Variants in CASQ2 observed in about 807,000 individuals in gnomAD.
The protein encoded by CASQ2 is calsequestrin 2.
Under a neutral mutation model 46.5 loss-of-function variants are expected in CASQ2, and 49 were observed. The observed-to-expected ratio is 1.05, with a 90% CI of 0.84 to 1.34. CASQ2 has a LOEUF of 1.34. CASQ2 is among the 40% of genes most tolerant of loss of function. The probability of loss-of-function intolerance (pLI) is 0.00; values close to 1 mark genes in which losing one functional copy is unlikely to be tolerated. For synonymous variants in CASQ2, 174 were observed against 168.5 expected, an observed-to-expected ratio of 1.03 and a Z score of -0.25; for missense variants, 486 against 481.3, an observed-to-expected ratio of 1.01 and a Z score of -0.09.
At chr1:115,723,176 C>A (rs116401144) in intron 7 of CASQ2, among the ~76,000 whole-genome samples, 1 of 152,276 alleles carries the variant, frequency 6.6e-6, no homozygotes, top group African/African-American at 2.4e-5. Flanking sequence ...ATTGATGGGA[C>A]AACTGGCCAA....
chr1:115,766,837 G>A (rs1215349813), intron 1 of CASQ2, among the ~76,000 whole-genome samples: 1 of 151,430 alleles, frequency 6.6e-6, no homozygotes, highest in Non-Finnish European at 1.5e-5. Flanking sequence ...TAGTCTTTGG[G>A]GACAGATATA....
chr1:115,732,928 G>C lies in CASQ2; in HGVS notation c.579C>G (p.Ile193Met), dbSNP rs779225945. Reference protein sequence around the residue: ...EEAAEHFQPYIKFFATFDKGV... With the variant: ...EEAAEHFQPYMKFFATFDKGV... The stretch of plus-strand genomic sequence containing the variant: ...CTTTGTCAAAGGTGGCAAAGAATTT[G>C]ATGTAAGGCTGGAAGTGTTCAGCTG... The change falls in exon 5 of 11, where the codon ATC (isoleucine) becomes ATG (methionine). Residue 193 changes from isoleucine to methionine, a missense_variant. Transcript: ENST00000261448. The C allele has an allele frequency of 3.1e-6, 5 of 1,613,862 alleles. No homozygotes were observed. The South Asian group carries it at 5.5e-5, about 18-fold the overall frequency.
chr1:115,719,966 A>T (rs1315612464), intron 7 of CASQ2, among the ~76,000 whole-genome samples: 2 of 152,212 alleles, frequency 1.3e-5, no homozygotes, highest in South Asian at 2.1e-4. Context: ...TGGCAACAAT[A>T]TCTGCTATTT....
At position 115,762,869 on chromosome 1, in the gene CASQ2, A is replaced by G. The variant is rs151075077; in HGVS notation, c.234+5439T>C. ...GAAGGAGTCGATGATTCCTCATCCC[A>G]GGCTGGGTGCTAGGCAGAAAGGTAA... On this transcript the variant is annotated intron_variant, in intron 1 of 10. Coordinates refer to ENST00000261448, the MANE Select transcript of CASQ2 (RefSeq NM_001232.4). 2.4e-3 allele frequency among the ~76,000 whole-genome samples: 371 copies of G among 152,296 alleles called. 2 individuals are homozygous for G. Among genetic ancestry groups the G allele is most frequent in the African/African-American group, 8.5e-3 (353 of 41,552 alleles).
In CASQ2 at chr1:115,738,259, T is replaced by C. The variant is rs1283548162; in HGVS notation, c.497A>G (p.Lys166Arg). The change falls in exon 4 of 11, where the codon AAA becomes AGA. Residue 166 changes from lysine (K) to arginine (R), a missense_variant. Lys to Arg is a conservative substitution (Grantham distance 26). Transcript: ENST00000261448. ...CTCACTCTTGAAAAAGCCAATGAGT[T>C]TGATGTAGTCTTCAATGCGTTCGAA... is the stretch of plus-strand genomic sequence containing the variant. Reference protein sequence around the residue: ...QAFERIEDYIKLIGFFKSEDS... With the variant: ...QAFERIEDYIRLIGFFKSEDS... The C allele has an allele frequency of 6.2e-7, 1 of 1,613,132 alleles. No individual in the cohort carries two copies. Among genetic ancestry groups the C allele is most frequent in the Non-Finnish European group, 8.5e-7 (1 of 1,179,172 alleles).
chr1:115,740,907 G>C (rs1006061754), intron 2 of CASQ2, 79 bp from the exon 3 acceptor site: 3 of 924,824 alleles, frequency 3.2e-6, no homozygotes, highest in Non-Finnish European at 5.3e-6. Flanking sequence ...GTCTGGCTGA[G>C]GGTTTCTGGG....
At chr1:115,764,410 C>G (rs1020874272) in intron 1 of CASQ2, among the ~76,000 whole-genome samples, 1 of 152,032 alleles carries the variant, frequency 6.6e-6, no homozygotes, top group Non-Finnish European at 1.5e-5. Context: ...GAAAAAAATA[C>G]TGGAAAGAAA....
At position 115,723,305 on chromosome 1, in the gene CASQ2, T is replaced by TATC. The variant is rs1647455098; in HGVS notation, c.783+2202_783+2203insGAT. On this transcript the variant is annotated intron_variant, in intron 7 of 10. Transcript: ENST00000261448. ...TCTATATCTCTCTATATCTATCTAT[T>TATC]TATCTATCTATCTATCTATCTATCT... Among the ~76,000 whole-genome samples the TATC allele has an allele frequency of 1.3e-3, 187 of 148,866 alleles. 1 individual carries two copies. Among genetic ancestry groups the TATC allele is most frequent in the East Asian group, 2.8e-3 (14 of 4,978 alleles).
rs570530159 is a variant in CASQ2, at chr1:115,757,691, T to C, written c.234+10617A>G. Among the ~76,000 whole-genome samples, 3 of 152,268 alleles carry C rather than the reference T, an allele frequency of 2.0e-5. No individual in the cohort carries two copies. In the East Asian group the frequency reaches 5.8e-4, roughly 29 times the overall value. On this transcript the variant is annotated intron_variant, in intron 1 of 10. Coordinates refer to ENST00000261448, the MANE Select transcript of CASQ2 (RefSeq NM_001232.4). ...AGGCTTCTGCCCACGTGCATATATA[T>C]TTTGGGCTAAGAATCCCATGGCTTA...
intron 1 of CASQ2, among the ~76,000 whole-genome samples, chr1:115,764,291 C>G (rs1649060631): frequency 6.6e-6 from 1 of 151,636 alleles, no homozygotes; most frequent in African/African-American, 2.4e-5. Context: ...CTGGTATTAA[C>G]ATTACTGTTT....
At chr1:115,755,200 A>T (rs1008090892) in intron 1 of CASQ2, among the ~76,000 whole-genome samples, 2 of 152,206 alleles carry the variant, frequency 1.3e-5, no homozygotes, top group African/African-American at 4.8e-5. Flanking sequence ...ATATTATTGC[A>T]ATGGAATTTT....
At chr1:115,722,457 A>G (rs1435088389) in intron 7 of CASQ2, among the ~76,000 whole-genome samples, 3 of 152,160 alleles carry the variant, frequency 2.0e-5, no homozygotes, top group Non-Finnish European at 4.4e-5. Context: ...TTTCTGTAGC[A>G]GTGTGGGATA....
At chr1:115,766,165 G>A (rs1649126919) in intron 1 of CASQ2, among the ~76,000 whole-genome samples, 1 of 152,108 alleles carries the variant, frequency 6.6e-6, no homozygotes, top group Non-Finnish European at 1.5e-5. Context: ...CATCAGACCC[G>A]GGTCCAGAGG....
At chr1:115,761,497 G>GAGAAGAAGAAGAAGAAGAAGA (rs1342542608) in intron 1 of CASQ2, among the ~76,000 whole-genome samples, 7 of 18,960 alleles carry the variant, frequency 3.7e-4, no homozygotes, top group African/African-American at 2.0e-3. Context: ...GGAGAAGAAG[G>GAGAAGAAGAAGAAGAAGAAGA]AGAAGAAGAA....
At chr1:115,764,322 T>C (rs921052319) in intron 1 of CASQ2, among the ~76,000 whole-genome samples, 1 of 152,134 alleles carries the variant, frequency 6.6e-6, no homozygotes, top group Non-Finnish European at 1.5e-5. Flanking sequence ...AAATACAATA[T>C]ATGGATGTGA....
At chr1:115,762,345 T>C (rs1377182864) in intron 1 of CASQ2, among the ~76,000 whole-genome samples, 1 of 152,230 alleles carries the variant, frequency 6.6e-6, no homozygotes, top group Non-Finnish European at 1.5e-5. Flanking sequence ...TTAATAGCAA[T>C]GAAAATTTAA....
At chr1:115,733,047 T>C (rs1380389090) in intron 4 of CASQ2, 73 bp from the exon 5 acceptor site, 17 of 1,093,570 alleles carry the variant, frequency 1.6e-5, no homozygotes, top group Non-Finnish European at 2.2e-5. Context: ...TTTTAAATGG[T>C]GTAGAGAGTA....
chr1:115,704,937 C>T (rs913164027), intron 9 of CASQ2, among the ~76,000 whole-genome samples: 1 of 152,198 alleles, frequency 6.6e-6, no homozygotes, highest in African/African-American at 2.4e-5. Flanking sequence ...AGGAGTTTAC[C>T]CTGCTCACTT....
In CASQ2 at chr1:115,705,197, G is replaced by A. The variant is rs1206001542; in HGVS notation, c.934C>T (p.Pro312Ser). 1 of 1,609,034 alleles carries A rather than the reference G, an allele frequency of 6.2e-7. No individual in the cohort carries two copies. The highest frequency in any genetic ancestry group is 8.5e-7 in the Non-Finnish European group (1 of 1,175,266). ...SILWIDPDDFPLLVAYWEKTF... is the reference protein window; with the variant it reads ...SILWIDPDDFSLLVAYWEKTF... ...CGCTGGCTGGAGCCACTCACCAGAG[G>A]AAAGTCGTCCGGGTCGATCCACAGG... is the stretch of plus-strand genomic sequence containing the variant. The change falls in exon 9 of 11, where the codon CCT becomes TCT. Residue 312 changes from proline to serine, a missense_variant. By Grantham distance (74) the Pro-to-Ser change is moderately conservative. Transcript: ENST00000261448.
Sources: allele counts gnomAD v4.1 joint callset (sites outside exome capture counted in the v4.1 genomes callset), GRCh38; gene constraint gnomAD v4.1.1; transcripts MANE v1.5; gene names NCBI Gene and HGNC (gene_info 2026-07-23, HGNC 2026-07-21).